Variants in ESRP2 observed in about 807,000 individuals in gnomAD.
ESRP2 encodes the protein epithelial splicing regulatory protein 2.
Under a neutral mutation model 78.6 loss-of-function variants are expected in ESRP2, and 48 were observed. That is an observed-to-expected ratio of 0.61 (90% CI 0.48 to 0.78). ESRP2 has a LOEUF of 0.78. Among genes scored for constraint, ESRP2 ranks in the 30% least tolerant of loss-of-function variants. ESRP2 has a pLI of 0.00. For synonymous variants in ESRP2, 383 were observed against 406.7 expected (o/e 0.94, Z 0.70); for missense variants, 863 against 965.9 (o/e 0.89, Z 1.41).
In ESRP2 at chr16:68,230,109, C is replaced by T. The variant is rs377599758; in HGVS notation, c.*117G>A. 2.1e-6 allele frequency: 2 copies of T among 955,204 alleles called. No individual in the cohort carries two copies. Among genetic ancestry groups the T allele is most frequent in the Non-Finnish European group, 3.3e-6 (2 of 606,296 alleles). The allele number at this position is 955,204 out of a possible 1,614,324, so 59.2% of individuals were successfully genotyped here. On this transcript the variant is annotated 3_prime_UTR_variant, in exon 15 of 15. Coordinates refer to ENST00000473183, the MANE Select transcript of ESRP2 (RefSeq NM_024939.3). Reference sequence around the variant, plus strand: ...GGGCTTGGGCTCCTCTAGGTACCTTCTGAGAGCTTTGACAAGCCAGAAAGA... The same window carrying T: ...GGGCTTGGGCTCCTCTAGGTACCTTTTGAGAGCTTTGACAAGCCAGAAAGA...
rs1304575456 is a variant in ESRP2, at chr16:68,235,620, AC to A, written c.327+13del. 1.9e-6 allele frequency: 3 copies of A among 1,596,054 alleles called. No individual in the cohort carries two copies. In the African/African-American group the frequency reaches 4.0e-5, roughly 21 times the overall value. ...TCACGTCCAGGCCATGCCGCCACCC[AC>A]CCCGGCGCTCACCTGCTGCAGCACC... On this transcript the variant is annotated intron_variant, in intron 2 of 14. Transcript: ENST00000473183. The surrounding 1 kb of genome is among the most constrained non-coding windows in gnomAD (Gnocchi z 5.5).
intron 2 of ESRP2, chr16:68,234,666 T>C (rs186409801): frequency 6.5e-6 from 1 of 152,774 alleles, no homozygotes; most frequent in East Asian, 1.9e-4. Flanking sequence ...TGTTTGCTCA[T>C]AGAGGGGGTG....
chr16:68,230,065 T>C lies in ESRP2; in HGVS notation c.*161A>G. 1.5e-6 allele frequency: 1 copy of C among 659,112 alleles called. No individual in the cohort carries two copies. 40.8% of individuals were successfully genotyped at this position (659,112 alleles called of 1,614,324 possible). On this transcript the variant is annotated 3_prime_UTR_variant, in exon 15 of 15. Transcript: ENST00000473183. ...TTGTCTTTGGGGGAAACAGGCAGAATAAGTGGAGGATGGAGCTGGGGCTTG... is the reference window on the plus strand; with the variant it reads ...TTGTCTTTGGGGGAAACAGGCAGAACAAGTGGAGGATGGAGCTGGGGCTTG...
chr16:68,233,679 G>A (rs1172355349), intron 4 of ESRP2, 89 bp downstream of exon 4: 1 of 957,110 alleles, frequency 1.0e-6, no homozygotes. Context: ...TCTTGTATGT[G>A]TCCATATTAC....
chr16:68,234,127 A>G lies in ESRP2; in HGVS notation c.328-20T>C. 1 of 1,564,218 alleles carries G rather than the reference A, an allele frequency of 6.4e-7. No individual in the cohort carries two copies. The highest frequency in any genetic ancestry group is 8.7e-7 in the Non-Finnish European group (1 of 1,145,044). On this transcript the variant is annotated intron_variant, in intron 2 of 14. Coordinates refer to ENST00000473183, the MANE Select transcript of ESRP2 (RefSeq NM_024939.3). The stretch of plus-strand genomic sequence containing the variant: ...TGAGAACTGGGGATAGGGAATGGGG[A>G]GAGAGAAACACACAGATTCACAGCT...
In ESRP2 at chr16:68,235,593, C is replaced by G; in HGVS notation, c.327+41G>C. 6.3e-7 allele frequency: 1 copy of G among 1,594,236 alleles called. No individual in the cohort carries two copies. Among genetic ancestry groups the G allele is most frequent in the Non-Finnish European group, 8.5e-7 (1 of 1,178,276 alleles). On this transcript the variant is annotated intron_variant, in intron 2 of 14. Coordinates refer to ENST00000473183, the MANE Select transcript of ESRP2 (RefSeq NM_024939.3). The surrounding 1 kb of genome is among the most constrained non-coding windows in gnomAD (Gnocchi z 5.5). ...GGCCGCCAATCCCGCCCAGAAATGT[C>G]CTCACGTCCAGGCCATGCCGCCACC...
Position 68,235,720 on chromosome 16 carries a change from C to A in ESRP2, c.241G>T (p.Ala81Ser), listed in dbSNP as rs1343080560. ...GCCTCGCGGCACTGCGTACTCAGTG[C>A]GGCCGCCTCGGCACGAACCAGCGAT... ...HKSLVRAEAA[A>S]LSTQCREASG... The change falls in exon 2 of 15, where the codon GCA (alanine) becomes TCA (serine). Residue 81 changes from alanine (A) to serine (S), a missense_variant. Ala to Ser is a moderately conservative substitution (Grantham distance 99). Coordinates refer to ENST00000473183, the MANE Select transcript of ESRP2 (RefSeq NM_024939.3). The surrounding 1 kb of genome is among the most constrained non-coding windows in gnomAD (Gnocchi z 5.5). The A allele has an allele frequency of 1.2e-6, 2 of 1,604,750 alleles. No homozygotes were observed. The highest frequency in any genetic ancestry group is 1.7e-6 in the Non-Finnish European group (2 of 1,178,832).
intron 3 of ESRP2, 27 bp from the exon 4 acceptor site, chr16:68,233,909 G>C (rs1225062014): frequency 6.8e-6 from 11 of 1,606,072 alleles, no homozygotes; most frequent in Non-Finnish European, 8.5e-6. Flanking sequence ...TTGAGGATGA[G>C]CGCCCTGCCC....
chr16:68,232,005 C>T lies in ESRP2; in HGVS notation c.1096G>A (p.Gly366Ser). ...ACTGGGCACTCTGGCCCCAGGAAGC[C>T]AAGCACGTCCGTTGGCCCAGCCGAG... ...PFSAGPTDVL[G>S]FLGPECPVTG... Residue 366 changes from glycine to serine, a missense_variant, in exon 10 of 15, where the codon GGC (glycine) becomes AGC (serine). Coordinates refer to ENST00000473183, the MANE Select transcript of ESRP2 (RefSeq NM_024939.3). The surrounding 1 kb of genome is among the most constrained non-coding windows in gnomAD (Gnocchi z 5.2). The T allele has an allele frequency of 6.2e-7, 1 of 1,614,090 alleles. No homozygotes were observed. The highest frequency in any genetic ancestry group is 8.5e-7 in the Non-Finnish European group (1 of 1,180,012).
Position 68,233,807 on chromosome 16 carries a change from A to G in ESRP2, c.517T>C (p.Cys173Arg). 5.6e-6 allele frequency: 9 copies of G among 1,614,106 alleles called. No individual in the cohort carries two copies. Among genetic ancestry groups the G allele is most frequent in the Non-Finnish European group, 7.6e-6 (9 of 1,180,002 alleles). Residue 173 changes from cysteine to arginine, a missense_variant, in exon 4 of 15, where the codon TGC (cysteine) becomes CGC (arginine). Transcript: ENST00000473183. Reference protein sequence around the residue: ...REFHMQHPSTCPARDLTVATM... With the variant: ...REFHMQHPSTRPARDLTVATM... ...GCCACAGTGAGGTCCCTGGCAGGGC[A>G]GGTGCTTGGATGCTGCATATGGAAT...
Position 68,231,149 on chromosome 16 carries a change from C to T in ESRP2, c.1711+29G>A, listed in dbSNP as rs557228511. ...ACAACAGCCTGGCTACCACAGGCCT[C>T]CTCCTCCCCTAGCCCCTAGGGCACT... On this transcript the variant is annotated intron_variant, in intron 12 of 14. Transcript: ENST00000473183. The surrounding 1 kb of genome is among the most constrained non-coding windows in gnomAD (Gnocchi z 6.0). The T allele has an allele frequency of 3.0e-5, 48 of 1,612,226 alleles. 1 individual carries two copies. The South Asian group carries it at 4.6e-4, about 15-fold the overall frequency.
chr16:68,230,438 G>T lies in ESRP2; in HGVS notation c.2015C>A (p.Pro672Gln), dbSNP rs1286848865. The T allele has an allele frequency of 6.2e-7, 1 of 1,613,060 alleles. No individual in the cohort carries two copies. The highest frequency in any genetic ancestry group is 8.5e-7 in the Non-Finnish European group (1 of 1,179,454). ...SGALVRMQGV[P>Q]YTAGMKDLLS... is the part of the protein sequence containing the mutation. ...CAGATCCTTCATACCAGCCGTGTAT[G>T]GGACACCCTGCATGCGGACCAAGGC... The change falls in exon 14 of 15, where the codon CCA becomes CAA. Residue 672 changes from proline to glutamine, a missense_variant. By Grantham distance (76) the Pro-to-Gln change is moderately conservative. Transcript: ENST00000473183.
Position 68,232,644 on chromosome 16 carries a change from G to A in ESRP2, c.754C>T (p.Arg252Cys), listed in dbSNP as rs2042161219. 5 of 1,614,100 alleles carry A rather than the reference G, an allele frequency of 3.1e-6. No individual in the cohort carries two copies. Among genetic ancestry groups the A allele is most frequent in the South Asian group, 1.1e-5 (1 of 91,074 alleles). ...TCTGATGACTGCCACGGCAACCCAC[G>A]AGCCCGTACCACAGTCTCACTGTCC... ...VVDSETVVRARGLPWQSSDQD... is the reference protein window; with the variant it reads ...VVDSETVVRACGLPWQSSDQD... The change falls in exon 7 of 15, where the codon CGT becomes TGT. Residue 252 changes from arginine to cysteine, a missense_variant. Physicochemically the swap from Arg to Cys is radical, Grantham distance 180. Transcript: ENST00000473183. This position sits in a 1 kb window ranked among gnomAD's most constrained non-coding sequence, Gnocchi z 5.2.
chr16:68,233,595 A>AT (rs1359357506), intron 4 of ESRP2, 170 bp from the exon 5 acceptor site: 2 of 722,920 alleles, frequency 2.8e-6, no homozygotes, highest in Non-Finnish European at 4.8e-6. Context: ...AGACAGACAC[A>AT]TACCCACATT....
rs1322090423 is a variant in ESRP2, at chr16:68,235,578, C to A, written c.327+56G>T. 1 of 1,589,060 alleles carries A rather than the reference C, an allele frequency of 6.3e-7. No homozygotes were observed. Among genetic ancestry groups the A allele is most frequent in the East Asian group, 2.2e-5 (1 of 44,610 alleles). On this transcript the variant is annotated intron_variant, in intron 2 of 14. Coordinates refer to ENST00000473183, the MANE Select transcript of ESRP2 (RefSeq NM_024939.3). This position sits in a 1 kb window ranked among gnomAD's most constrained non-coding sequence, Gnocchi z 5.5. ...CCAGGCCTAGCCTCCGGCCGCCAAT[C>A]CCGCCCAGAAATGTCCTCACGTCCA...
At position 68,231,310 on chromosome 16, in the gene ESRP2, G is replaced by C. The variant is rs753303292; in HGVS notation, c.1579C>G (p.Arg527Gly). Residue 527 changes from arginine (R) to glycine (G), a missense_variant, in exon 12 of 15, where the codon CGT (arginine) becomes GGT (glycine). Coordinates refer to ENST00000473183, the MANE Select transcript of ESRP2 (RefSeq NM_024939.3). The surrounding 1 kb of genome is among the most constrained non-coding windows in gnomAD (Gnocchi z 6.0). ...TCCTTCATCACCTTCTTATGGCAAC[G>C]CTGAGCAGCAGCTAGGGCTCGCTCT... ...SAERALAAAQRCHKKVMKERY... is the reference protein window; with the variant it reads ...SAERALAAAQGCHKKVMKERY... The C allele has an allele frequency of 6.2e-7, 1 of 1,614,100 alleles. No individual in the cohort carries two copies. The highest frequency in any genetic ancestry group is 8.5e-7 in the Non-Finnish European group (1 of 1,179,994).
intron 2 of ESRP2, 96 bp from the exon 3 acceptor site, chr16:68,234,203 T>G (rs1344752713): frequency 2.1e-6 from 2 of 932,164 alleles, no homozygotes; most frequent in Non-Finnish European, 3.3e-6. Context: ...GCAAAGCTGG[T>G]TCAGCCAGAT....
chr16:68,235,153 C>A lies in ESRP2; in HGVS notation c.327+481G>T, dbSNP rs1361219804. On this transcript the variant is annotated intron_variant, in intron 2 of 14. Transcript: ENST00000473183. The surrounding 1 kb of genome is among the most constrained non-coding windows in gnomAD (Gnocchi z 5.5). ...GCCAGCCGGCCGGGACAGGCCTAGA[C>A]GAGCAGTTTACACCTGGCGGCGTCT... 19 of 999,848 alleles carry A rather than the reference C, an allele frequency of 1.9e-5. No individual in the cohort carries two copies. The highest frequency in any genetic ancestry group is 2.1e-5 in the Non-Finnish European group (18 of 838,542). 61.9% of individuals were successfully genotyped at this position (999,848 alleles called of 1,614,324 possible). A position where few individuals can be genotyped will look rare whatever the true frequency, so the allele number is the denominator to read the frequency against.
rs529343599 is a variant in ESRP2, at chr16:68,235,536, C to CG, written c.327+97dup. 3,541 of 1,519,558 alleles carry CG rather than the reference C, an allele frequency of 2.3e-3. 60 individuals are homozygous for CG. The South Asian group carries it at 0.029, about 12-fold the overall frequency. The allele number at this position is 1,519,558 out of a possible 1,614,324, so 94.1% of individuals were successfully genotyped here. On this transcript the variant is annotated intron_variant, in intron 2 of 14. Coordinates refer to ENST00000473183, the MANE Select transcript of ESRP2 (RefSeq NM_024939.3). This position sits in a 1 kb window ranked among gnomAD's most constrained non-coding sequence, Gnocchi z 5.5. The stretch of plus-strand genomic sequence containing the variant: ...AAGAGCCCAGTCCTGCCGCCTGGAC[C>CG]GGTTGGTTGCGGCACGCCAGGCCTA...
Sources: gnomAD v4.1 joint callset for allele counts on GRCh38, gnomAD v4.1.1 for gene constraint, Gnocchi (gnomAD v3.1) non-coding constraint, MANE v1.5 for transcripts, NCBI Gene and HGNC (gene_info 2026-07-23, HGNC 2026-07-21) for gene names.